SEL1L3: variants seen among roughly 807,000 people sequenced by gnomAD.
The protein encoded by SEL1L3 is SEL1L family member 3.
Under a neutral mutation model 142.8 loss-of-function variants are expected in SEL1L3, and 76 were observed. That is an observed-to-expected ratio of 0.53 (90% CI 0.44 to 0.64). SEL1L3 has a LOEUF of 0.64. SEL1L3 is among the 30% of genes least tolerant of loss of function. SEL1L3 has a pLI of 0.00. For synonymous variants in SEL1L3, 504 were observed against 519.6 expected, an observed-to-expected ratio of 0.97 and a Z score of 0.41; for missense variants, 1,262 against 1,381.7, an observed-to-expected ratio of 0.91 and a Z score of 1.37.
At chr4:25,776,740 T>C in intron 16 of SEL1L3, 1 of 164,150 alleles carries the variant, frequency 6.1e-6, no homozygotes, top group Non-Finnish European at 1.3e-5. Flanking sequence ...GGTTTATTAG[T>C]AATGAGCTAG....
chr4:25,830,040 G>A lies in SEL1L3; in HGVS notation c.1157+58C>T. 2.8e-6 allele frequency: 3 copies of A among 1,085,024 alleles called. No homozygotes were observed. In the Admixed American group the frequency reaches 5.5e-5, roughly 20 times the overall value. 67.2% of individuals were successfully genotyped at this position (1,085,024 alleles called of 1,614,324 possible). A position where few individuals can be genotyped will look rare whatever the true frequency, so the allele number is the denominator to read the frequency against. ...ACATTAGGGCTGAGGGCTAAAGTAT[G>A]AAGATTCCTTAACTCGCATGCAGGC... On this transcript the variant is annotated intron_variant, in intron 6 of 23. Transcript: ENST00000399878.
chr4:25,737,934 G>T, the SEL1L3 span, among the ~76,000 whole-genome samples: 10 of 152,020 alleles, frequency 6.6e-5, no homozygotes, highest in Non-Finnish European at 1.5e-4. Context: ...CTGTCAACCA[G>T]GCTGGAGTGC....
chr4:25,731,946 T>C, the SEL1L3 span, among the ~76,000 whole-genome samples: 3 of 152,064 alleles, frequency 2.0e-5, no homozygotes. Flanking sequence ...TGGTGGTGCG[T>C]GTCTGTAATC....
rs774991977 is a variant in SEL1L3 at position 25,798,551 on chromosome 4, G to A, written c.1956+3732C>T. Among the ~76,000 whole-genome samples the A allele has an allele frequency of 1.9e-4, 29 of 152,168 alleles. 1 individual carries two copies. Among genetic ancestry groups the A allele is most frequent in the Non-Finnish European group, 3.8e-4 (26 of 68,040 alleles). ...GGTGACAGAAAGACCAGGACGGCTG[G>A]GCGAGGTGGCTCACACCTGTAATCC... On this transcript the variant is annotated intron_variant, in intron 11 of 23. Coordinates refer to ENST00000399878, the MANE Select transcript of SEL1L3 (RefSeq NM_015187.5).
chr4:25,731,565 T>G, the SEL1L3 span, among the ~76,000 whole-genome samples: 1 of 152,324 alleles, frequency 6.6e-6, no homozygotes, highest in Non-Finnish European at 1.5e-5. Flanking sequence ...AGTTTGCGTT[T>G]TCTAGAATTA....
At chr4:25,718,970 G>A in the SEL1L3 span, 31,982 of 152,050 alleles carry the variant, frequency 0.21, 4,639 homozygotes, top group African/African-American at 0.41. Context: ...TGACGTCAGG[G>A]GTGTGAGACC....
the SEL1L3 span, among the ~76,000 whole-genome samples, chr4:25,721,590 T>C: frequency 0.26 from 38,815 of 152,072 alleles, 7,357 homozygotes; most frequent in African/African-American, 0.53. Context: ...AAAAATTCTA[T>C]TGGGGAGACA....
rs2109309854 is a variant in SEL1L3 at position 25,847,757 on chromosome 4, T to G, written c.270A>C (p.Glu90Asp). Residue 90 changes from glutamate to aspartate, a missense_variant, in exon 2 of 24, where the codon GAA (glutamate) becomes GAC (aspartate). Transcript: ENST00000399878. Reference sequence around the variant, plus strand: ...CTTCAGAAACGTTGCGAACGTTTCCTTCAAAGACAGTAAAATAAATAAAGT... The same window carrying G: ...CTTCAGAAACGTTGCGAACGTTTCCGTCAAAGACAGTAAAATAAATAAAGT... ...YKDFIYFTVF[E>D]GNVRNVSEVS... 1 of 1,613,742 alleles carries G rather than the reference T, an allele frequency of 6.2e-7. No individual in the cohort carries two copies. The highest frequency in any genetic ancestry group is 2.2e-5 in the East Asian group (1 of 44,886).
chr4:25,832,970 T>C, intron 5 of SEL1L3, 25 bp downstream of exon 5: 1 of 1,329,592 alleles, frequency 7.5e-7, no homozygotes, highest in Non-Finnish European at 1.1e-6. Context: ...TCGTATGTCG[T>C]GTGATGAAGC....
chr4:25,723,845 A>G, the SEL1L3 span, among the ~76,000 whole-genome samples: 1 of 152,180 alleles, frequency 6.6e-6, no homozygotes, highest in Non-Finnish European at 1.5e-5. Flanking sequence ...AATAAATAAC[A>G]GTGAACTTGA....
intron 9 of SEL1L3, among the ~76,000 whole-genome samples, chr4:25,808,283 C>T (rs192557165): frequency 1.2e-4 from 19 of 152,258 alleles, no homozygotes; most frequent in East Asian, 1.2e-3. Context: ...TTTCTTTCAG[C>T]GCCCAAAGCT....
chr4:25,795,725 T>C (rs573424657), intron 11 of SEL1L3, among the ~76,000 whole-genome samples: 1 of 152,302 alleles, frequency 6.6e-6, no homozygotes, highest in Admixed American at 6.5e-5. Flanking sequence ...GGTTGCCTTC[T>C]CCATAGTTCT....
At chr4:25,756,316 G>C (rs1034354012) in intron 23 of SEL1L3, 1 of 985,234 alleles carries the variant, frequency 1.0e-6, no homozygotes, top group African/African-American at 1.7e-5. Flanking sequence ...TACTATGCAT[G>C]AGTTATCACA....
chr4:25,833,212 C>G (rs1452417149), intron 4 of SEL1L3, 102 bp from the exon 5 acceptor site: 9 of 765,156 alleles, frequency 1.2e-5, no homozygotes, highest in Non-Finnish European at 2.0e-5. Context: ...CTACAATACT[C>G]CACGAAAACA....
chr4:25,730,531 A>G, the SEL1L3 span, among the ~76,000 whole-genome samples: 1 of 152,104 alleles, frequency 6.6e-6, no homozygotes, highest in South Asian at 2.1e-4. Flanking sequence ...CTCTGTAAGT[A>G]GATGTAAGGG....
intron 17 of SEL1L3, among the ~76,000 whole-genome samples, chr4:25,768,698 A>G (rs1409169537): frequency 6.6e-6 from 1 of 152,224 alleles, no homozygotes; most frequent in East Asian, 1.9e-4. Context: ...TGAAAATCAG[A>G]GACTAGTGAA....
intron 17 of SEL1L3, among the ~76,000 whole-genome samples, chr4:25,774,503 T>A (rs571893286): frequency 2.0e-5 from 3 of 152,264 alleles, no homozygotes; most frequent in African/African-American, 7.2e-5. Context: ...GCCACAGAAA[T>A]CTTAATTCAT....
chr4:25,788,541 A>G lies in SEL1L3; in HGVS notation c.2077-177T>C, dbSNP rs1712029953. Among the ~76,000 whole-genome samples, 1 of 151,878 alleles carries G rather than the reference A, an allele frequency of 6.6e-6. No individual in the cohort carries two copies. Among genetic ancestry groups the G allele is most frequent in the African/African-American group, 2.4e-5 (1 of 41,310 alleles). ...CCTGAATGTGGACTTATGTAAATAC[A>G]AGCCCTTAATGCAAGCCAGAAATGG... is the stretch of plus-strand genomic sequence containing the variant. On this transcript the variant is annotated intron_variant, in intron 12 of 23. Transcript: ENST00000399878. This position sits in a 1 kb window ranked among gnomAD's most constrained non-coding sequence, Gnocchi z 5.3.
chr4:25,835,260 T>A lies in SEL1L3; in HGVS notation c.797A>T (p.Lys266Met). 3.1e-6 allele frequency: 5 copies of A among 1,614,036 alleles called. No individual in the cohort carries two copies. The highest frequency in any genetic ancestry group is 4.2e-6 in the Non-Finnish European group (5 of 1,179,882). Residue 266 changes from lysine to methionine, a missense_variant, in exon 3 of 24, where the codon AAG (lysine) becomes ATG (methionine). This residue lies in a region of SEL1L3 where 689 missense variants were observed against 692.8 expected (regional missense o/e 0.99). Coordinates refer to ENST00000399878, the MANE Select transcript of SEL1L3 (RefSeq NM_015187.5). ...CTCTCGGTTCCGAAACCTCGGGAAC[T>A]TCTTGACAATGCCTGTGTTTTCTCC... is the stretch of plus-strand genomic sequence containing the variant. Reference protein sequence around the residue: ...SSGENTGIVKKFPRFRNRELE... With the variant: ...SSGENTGIVKMFPRFRNRELE...
Sources: gnomAD v4.1 joint callset for allele counts (sites outside exome capture counted in the v4.1 genomes callset) on GRCh38, gnomAD v4.1.1 for gene constraint, gnomAD v4.1.1 regional missense constraint, Gnocchi (gnomAD v3.1) non-coding constraint, MANE v1.5 for transcripts, NCBI Gene and HGNC (gene_info 2026-07-23, HGNC 2026-07-21) for gene names.